The following ADGRL1 variants were observed in gnomAD, a reference collection of about 807,000 sequenced individuals.
ADGRL1 encodes CIRL-1.
A neutral mutation model predicts 148.9 loss-of-function variants in ADGRL1; 31 were observed. The observed-to-expected ratio is 0.21, with a 90% CI of 0.16 to 0.28. The LOEUF is 0.28. ADGRL1 is among the 10% of genes least tolerant of loss of function. The pLI is 1.00. For missense variants in ADGRL1, 1,521 were observed against 2,058.8 expected (o/e 0.74, Z 5.05); for synonymous variants, 937 against 900.3 (o/e 1.04, Z -0.73).
intron 1 of ADGRL1, 148 bp from the exon 2 acceptor site, chr19:14,183,845 AG>A: frequency 1.9e-6 from 1 of 537,170 alleles, no homozygotes; most frequent in Non-Finnish European, 3.3e-6. Flanking sequence ...CGGGGTCTGC[AG>A]CTCACACCAC....
chr19:14,205,523 G>A (rs1972935262), intron 1 of ADGRL1, among the ~76,000 whole-genome samples: 1 of 151,914 alleles, frequency 6.6e-6, no homozygotes, highest in Non-Finnish European at 1.5e-5. Context: ...CGCGGGGCCG[G>A]CGCGCGGCGC....
At chr19:14,196,584 C>A (rs532032936) in intron 1 of ADGRL1, among the ~76,000 whole-genome samples, 4 of 152,198 alleles carry the variant, frequency 2.6e-5, no homozygotes, top group Non-Finnish European at 5.9e-5. Flanking sequence ...TATGCCACTG[C>A]ACTCTAGCTT....
At chr19:14,179,839 G>A (rs150637858) in intron 2 of ADGRL1, among the ~76,000 whole-genome samples, 39 of 152,196 alleles carry the variant, frequency 2.6e-4, no homozygotes, top group African/African-American at 9.4e-4. Flanking sequence ...GAACCCAGGA[G>A]GCGGAGGTTG....
In ADGRL1 at chr19:14,160,560, A is replaced by C; in HGVS notation, c.1614+33T>G. On this transcript the variant is annotated intron_variant, in intron 7 of 22. Coordinates refer to ENST00000361434, the MANE Select transcript of ADGRL1 (RefSeq NM_014921.5). This position sits in a 1 kb window ranked among gnomAD's most constrained non-coding sequence, Gnocchi z 5.9. ...GGCCCTGGGCCCTGGGCCCGAGCAC[A>C]TGTGCCTGCCTGCGAGGGGTGGTGG... The C allele has an allele frequency of 6.7e-7, 1 of 1,494,892 alleles. No individual in the cohort carries two copies. Among genetic ancestry groups the C allele is most frequent in the African/African-American group, 1.4e-5 (1 of 72,464 alleles). 92.6% of individuals were successfully genotyped at this position (1,494,892 alleles called of 1,614,324 possible). A position where few individuals can be genotyped will look rare whatever the true frequency, so the allele number is the denominator to read the frequency against.
intron 2 of ADGRL1, among the ~76,000 whole-genome samples, chr19:14,182,576 C>T (rs924867891): frequency 3.3e-5 from 5 of 152,120 alleles, no homozygotes; most frequent in South Asian, 4.1e-4. Context: ...TGAGTCCCAG[C>T]GGGGGGAACA....
At chr19:14,187,665 C>A (rs1186315749) in intron 1 of ADGRL1, among the ~76,000 whole-genome samples, 1 of 151,514 alleles carries the variant, frequency 6.6e-6, no homozygotes, top group African/African-American at 2.4e-5. Context: ...GCGTGTTACC[C>A]CGCCGCCGCC....
chr19:14,182,314 G>A (rs1971253767), intron 2 of ADGRL1, among the ~76,000 whole-genome samples: 1 of 152,204 alleles, frequency 6.6e-6, no homozygotes, highest in Admixed American at 6.5e-5. Flanking sequence ...CATGCTGGCC[G>A]GGGCAGCACC....
At chr19:14,181,261 G>A (rs1971172021) in intron 2 of ADGRL1, among the ~76,000 whole-genome samples, 1 of 152,212 alleles carries the variant, frequency 6.6e-6, no homozygotes, top group Non-Finnish European at 1.5e-5. Context: ...CATGTTTCTA[G>A]AAGAAACCAT....
intron 4 of ADGRL1, among the ~76,000 whole-genome samples, chr19:14,166,192 A>T (rs1355559913): frequency 8.6e-5 from 13 of 151,582 alleles, no homozygotes; most frequent in Non-Finnish European, 4.4e-5. Context: ...AACAGAGAAC[A>T]CGCTCCCCCA....
chr19:14,169,146 G>A (rs1970253465), intron 4 of ADGRL1: 1 of 152,318 alleles, frequency 6.6e-6, no homozygotes, highest in African/African-American at 2.4e-5. Context: ...CCAGGCATGG[G>A]TCTGGGCGCT....
At chr19:14,184,688 G>A (rs1446553216) in intron 1 of ADGRL1, among the ~76,000 whole-genome samples, 1 of 149,220 alleles carries the variant, frequency 6.7e-6, no homozygotes, top group Middle Eastern at 3.2e-3. Context: ...CCCCCAGGCT[G>A]GAGTGCAGTG....
intron 3 of ADGRL1, among the ~76,000 whole-genome samples, chr19:14,175,793 G>A (rs1304401972): frequency 1.3e-5 from 2 of 152,144 alleles, no homozygotes; most frequent in Non-Finnish European, 2.9e-5. Flanking sequence ...GCTCACGCCT[G>A]TAATCCCAGC....
intron 1 of ADGRL1, among the ~76,000 whole-genome samples, chr19:14,190,389 T>A (rs1971853326): frequency 6.6e-6 from 1 of 152,172 alleles, no homozygotes; most frequent in Non-Finnish European, 1.5e-5. Context: ...ACCTCAGCCT[T>A]CCGTGTAGCT....
At chr19:14,156,613 G>T in intron 16 of ADGRL1, 45 bp downstream of exon 16, 1 of 1,537,678 alleles carries the variant, frequency 6.5e-7, no homozygotes, top group Middle Eastern at 2.3e-4. Context: ...AGGCCAGCCT[G>T]GATGAAGGAA....
At position 14,157,436 on chromosome 19, in the gene ADGRL1, G is replaced by A. The variant is rs1329051198; in HGVS notation, c.2560C>T (p.Leu854=). The change falls in exon 14 of 23, where the codon CTG becomes TTG. Residue 854 remains leucine (L), a synonymous_variant. Transcript: ENST00000361434. This position sits in a 1 kb window ranked among gnomAD's most constrained non-coding sequence, Gnocchi z 7.5. ...EIYQGRINEL[L]LSVITWVGIV... ...CCCACCCAGGTGATGACCGACAGCA[G>A]CAGCTCGTTGATGCGGCCCTGGTAC... 3.7e-6 allele frequency: 6 copies of A among 1,614,096 alleles called. No individual in the cohort carries two copies. The highest frequency in any genetic ancestry group is 5.1e-6 in the Non-Finnish European group (6 of 1,180,028).
intron 4 of ADGRL1, among the ~76,000 whole-genome samples, chr19:14,165,448 G>A (rs1969865829): frequency 6.6e-6 from 1 of 152,140 alleles, no homozygotes; most frequent in Admixed American, 6.5e-5. Flanking sequence ...TGTCAGGGGG[G>A]AAAAATGTGG....
rs1353881840 is a variant in ADGRL1, at chr19:14,170,672, G to C, written c.394+10C>G. ...GGGCCCGCATCCGCACAAGGAACAA[G>C]ATGACTCACTGTAGGGGACACAGTC... is the stretch of plus-strand genomic sequence containing the variant. On this transcript the variant is annotated intron_variant, in intron 4 of 22. Coordinates refer to ENST00000361434, the MANE Select transcript of ADGRL1 (RefSeq NM_014921.5). 2.6e-6 allele frequency: 4 copies of C among 1,558,278 alleles called. No homozygotes were observed. In the South Asian group the frequency reaches 4.5e-5, roughly 17 times the overall value.
rs1434353650 is a variant in ADGRL1 at position 14,156,055 on chromosome 19, C to A, written c.3125+55G>T. 1.6e-5 allele frequency: 21 copies of A among 1,310,270 alleles called. No homozygotes were observed. The Admixed American group carries it at 2.8e-4, about 17-fold the overall frequency. The allele number at this position is 1,310,270 out of a possible 1,614,324, so 81.2% of individuals were successfully genotyped here. A position where few individuals can be genotyped will look rare whatever the true frequency, so the allele number is the denominator to read the frequency against. ...TAGGACACCCTGGAAGAGGTGGGCC[C>A]AGCGTGGGGCGGGGGTGGGTGATGG... On this transcript the variant is annotated intron_variant, in intron 17 of 22. Transcript: ENST00000361434.
rs1014683028 is a variant in ADGRL1, at chr19:14,163,463, G to A, written c.395-57C>T. On this transcript the variant is annotated intron_variant, in intron 4 of 22. Transcript: ENST00000361434. ...GGAGAGAAGGGGCAGAGGCGAGAGG[G>A]AGGAGAGAGAGAGAGAGAGAGAGAG... The A allele has an allele frequency of 2.6e-6, 3 of 1,134,604 alleles. No individual in the cohort carries two copies. In the Admixed American group the frequency reaches 7.8e-5, roughly 29 times the overall value. The allele number at this position is 1,134,604 out of a possible 1,614,324, so 70.3% of individuals were successfully genotyped here. A position where few individuals can be genotyped will look rare whatever the true frequency, so the allele number is the denominator to read the frequency against.
Sources: gnomAD v4.1 joint callset for allele counts (sites outside exome capture counted in the v4.1 genomes callset) on GRCh38, gnomAD v4.1.1 for gene constraint, Gnocchi (gnomAD v3.1) non-coding constraint, MANE v1.5 for transcripts, NCBI Gene and HGNC (gene_info 2026-07-23, HGNC 2026-07-21) for gene names.